The following CFAP53 variants were observed in gnomAD, a reference collection of about 807,000 sequenced individuals.
CFAP53 encodes the protein cilia and flagella associated protein 53, also known as cilia- and flagella-associated protein 53.
Under a neutral mutation model 59.7 loss-of-function variants are expected in CFAP53, and 62 were observed. The ratio of observed to expected loss-of-function variants is 1.04; its 90% CI spans 0.85 to 1.28. The LOEUF (loss-of-function observed/expected upper bound fraction) is 1.28. CFAP53 is among the 50% of genes most tolerant of loss of function. CFAP53 has a pLI of 0.00. For synonymous variants in CFAP53, 218 were observed against 205.7 expected, an observed-to-expected ratio of 1.06 and a Z score of -0.51; for missense variants, 629 against 615.6, an observed-to-expected ratio of 1.02 and a Z score of -0.23.
chr18:50,263,930 G>C (rs1350523714), intron 1 of CFAP53, among the ~76,000 whole-genome samples: 1 of 152,202 alleles, frequency 6.6e-6, no homozygotes, highest in Non-Finnish European at 1.5e-5. Flanking sequence ...TTAGGGGTAT[G>C]ACCTGGAGTT....
intron 6 of CFAP53, among the ~76,000 whole-genome samples, chr18:50,239,011 T>C (rs1004233617): frequency 3.0e-4 from 45 of 150,612 alleles, no homozygotes; most frequent in Non-Finnish European, 4.9e-4. Context: ...AAACAGTTCA[T>C]TGCCATTCAT....
At chr18:50,236,484 TA>T (rs1276426471) in intron 7 of CFAP53, among the ~76,000 whole-genome samples, 1 of 152,190 alleles carries the variant, frequency 6.6e-6, no homozygotes, top group African/African-American at 2.4e-5. Context: ...GAAGTAATGC[TA>T]TGCCAGTCCC....
chr18:50,235,794 T>C (rs1243044458), intron 7 of CFAP53, among the ~76,000 whole-genome samples: 1 of 152,144 alleles, frequency 6.6e-6, no homozygotes, highest in East Asian at 1.9e-4. Context: ...CCCTGCCCAA[T>C]TTAATTCCCA....
In CFAP53 at chr18:50,242,996, C is replaced by A. The variant is rs778514681; in HGVS notation, c.1117G>T (p.Ala373Ser). The A allele has an allele frequency of 4.3e-6, 7 of 1,613,896 alleles. No homozygotes were observed. The Admixed American group carries it at 6.7e-5, about 15-fold the overall frequency. ...ILEEDKAKKLAEKDKELRLEK... is the reference protein window; with the variant it reads ...ILEEDKAKKLSEKDKELRLEK... ...AGTCTCAGCTCCTTGTCCTTCTCAG[C>A]CAACTTCTTTGCCTTGTCTTCCTCT... The change falls in exon 6 of 8, where the codon GCT (alanine) becomes TCT (serine). Residue 373 changes from alanine to serine, a missense_variant. Ala to Ser is a moderately conservative substitution (Grantham distance 99). Coordinates refer to ENST00000398545, the MANE Select transcript of CFAP53 (RefSeq NM_145020.5).
At chr18:50,242,721 G>T (rs988755030) in intron 6 of CFAP53, among the ~76,000 whole-genome samples, 179 bp downstream of exon 6, 1 of 152,160 alleles carries the variant, frequency 6.6e-6, no homozygotes, top group African/African-American at 2.4e-5. Context: ...ATTGGAATCT[G>T]CTGGTCTCTT....
At chr18:50,265,416 T>C (rs1260147974) in intron 1 of CFAP53, among the ~76,000 whole-genome samples, 1 of 152,176 alleles carries the variant, frequency 6.6e-6, no homozygotes, top group African/African-American at 2.4e-5. Context: ...ATTATGTATA[T>C]GCAAGTATTC....
chr18:50,266,211 T>C (rs2033969624), intron 1 of CFAP53, 125 bp downstream of exon 1: 3 of 824,592 alleles, frequency 3.6e-6, no homozygotes, highest in Non-Finnish European at 6.1e-6. Context: ...TTCAACCCAC[T>C]GCATCAGGCG....
chr18:50,261,447 T>A (rs1342039011), intron 2 of CFAP53, among the ~76,000 whole-genome samples: 1 of 152,124 alleles, frequency 6.6e-6, no homozygotes, highest in Non-Finnish European at 1.5e-5. Context: ...CAGGCTGGAG[T>A]GCAGTGTGAT....
chr18:50,237,304 C>CAAAAAAAAAAAAA lies in CFAP53; in HGVS notation c.1316+1286_1316+1298dup, dbSNP rs143356494. Among the ~76,000 whole-genome samples, 4 of 9,342 alleles carry CAAAAAAAAAAAAA rather than the reference C, an allele frequency of 4.3e-4. 1 individual carries two copies. Among genetic ancestry groups the CAAAAAAAAAAAAA allele is most frequent in the Non-Finnish European group, 1.0e-3 (4 of 3,840 alleles). The allele number at this position is 9,342 out of a possible 152,430, so 6.1% of individuals were successfully genotyped here. The stretch of plus-strand genomic sequence containing the variant: ...TAGGTGACAGAGCAAGACTCCATCT[C>CAAAAAAAAAAAAA]AAAAAAAAAAAAAAAAAAAAAAAAA... On this transcript the variant is annotated intron_variant, in intron 7 of 7. Transcript: ENST00000398545.
chr18:50,241,869 A>G (rs2033693167), intron 6 of CFAP53, among the ~76,000 whole-genome samples: 1 of 152,138 alleles, frequency 6.6e-6, no homozygotes, highest in African/African-American at 2.4e-5. Context: ...AGAGCAGAGG[A>G]CCAGTCTGAC....
intron 5 of CFAP53, among the ~76,000 whole-genome samples, chr18:50,243,923 G>A (rs544266969): frequency 7.3e-5 from 11 of 151,290 alleles, no homozygotes; most frequent in Non-Finnish European, 1.3e-4. Context: ...CTGCACTCCA[G>A]CCTGGGCGAC....
intron 3 of CFAP53, among the ~76,000 whole-genome samples, chr18:50,256,956 C>T (rs771283514): frequency 1.1e-4 from 16 of 148,406 alleles, no homozygotes; most frequent in Non-Finnish European, 2.2e-4. Flanking sequence ...TACTAGATGA[C>T]CTAACAACCT....
intron 7 of CFAP53, among the ~76,000 whole-genome samples, chr18:50,228,978 T>G (rs777828200): frequency 6.6e-6 from 1 of 151,996 alleles, no homozygotes; most frequent in Non-Finnish European, 1.5e-5. Context: ...CATGTGCCTG[T>G]GGTCCCAGCT....
intron 1 of CFAP53, among the ~76,000 whole-genome samples, chr18:50,266,005 C>G (rs1043769845): frequency 6.6e-6 from 1 of 152,206 alleles, no homozygotes; most frequent in African/African-American, 2.4e-5. Context: ...CTCGCCACTG[C>G]ATGGGGGACA....
chr18:50,257,646 G>A (rs1354454062), intron 3 of CFAP53, among the ~76,000 whole-genome samples: 1 of 152,168 alleles, frequency 6.6e-6, no homozygotes, highest in Non-Finnish European at 1.5e-5. Flanking sequence ...CCATGTTCTT[G>A]GATTGGAAGA....
intron 3 of CFAP53, among the ~76,000 whole-genome samples, chr18:50,256,622 C>T (rs1249681695): frequency 6.6e-6 from 1 of 152,108 alleles, no homozygotes; most frequent in Non-Finnish European, 1.5e-5. Flanking sequence ...ATCTACTACT[C>T]ACTGCAATGG....
intron 3 of CFAP53, 133 bp from the exon 4 acceptor site, chr18:50,251,917 A>C: frequency 1.3e-6 from 1 of 790,378 alleles, no homozygotes; most frequent in Admixed American, 2.5e-5. Flanking sequence ...GGAGCACAGG[A>C]AACAAGAGGG....
intron 7 of CFAP53, among the ~76,000 whole-genome samples, chr18:50,236,498 G>C (rs2033634805): frequency 6.6e-6 from 1 of 152,154 alleles, no homozygotes; most frequent in Non-Finnish European, 1.5e-5. Flanking sequence ...CCAGTCCCAG[G>C]TGTAGCTCTT....
intron 7 of CFAP53, among the ~76,000 whole-genome samples, chr18:50,234,563 C>T (rs921036701): frequency 1.3e-5 from 2 of 152,216 alleles, no homozygotes; most frequent in African/African-American, 2.4e-5. Flanking sequence ...CAAGGTCCCT[C>T]CTCAGGAGTT....
Sources: gnomAD v4.1 joint callset for allele counts (sites outside exome capture counted in the v4.1 genomes callset) on GRCh38, gnomAD v4.1.1 for gene constraint, MANE v1.5 for transcripts, NCBI Gene and HGNC (gene_info 2026-07-23, HGNC 2026-07-21) for gene names.